Variants in RPTOR observed in about 807,000 individuals in gnomAD.
RPTOR encodes the protein regulatory associated protein of MTOR complex 1.
Under a neutral mutation model 169.9 loss-of-function variants are expected in RPTOR, and 21 were observed. The ratio of observed to expected loss-of-function variants is 0.12; its 90% CI spans 0.09 to 0.18. The LOEUF (loss-of-function observed/expected upper bound fraction) is 0.18, where lower values mean the gene tolerates loss of function less well. Among genes scored for constraint, RPTOR ranks in the 10% least tolerant of loss-of-function variants. The pLI is 1.00. For synonymous variants in RPTOR, 732 were observed against 753.2 expected (o/e 0.97, Z 0.46); for missense variants, 1,133 against 1,855.9 (o/e 0.61, Z 7.16).
rs1295308267 is a variant in RPTOR, at chr17:80,820,932, ATT to A, written c.891-1265_891-1264del. 2.6e-5 allele frequency among the ~76,000 whole-genome samples: 4 copies of A among 152,080 alleles called. No individual in the cohort carries two copies. Among genetic ancestry groups the A allele is most frequent in the Non-Finnish European group, 4.4e-5 (3 of 67,992 alleles). Reference sequence around the variant, plus strand: ...ACTGGTCTCCACTGTGGAGGTCGAAATTTTTCTTGAATTTGGAAATCTTTGTT... The same window carrying A: ...ACTGGTCTCCACTGTGGAGGTCGAAATTTCTTGAATTTGGAAATCTTTGTT... On this transcript the variant is annotated intron_variant, in intron 7 of 33. Transcript: ENST00000306801. The surrounding 1 kb of genome is among the most constrained non-coding windows in gnomAD (Gnocchi z 4.1).
rs1199474062 is a variant in RPTOR, at chr17:80,823,038, AAGTCACTGT to A, written c.992-38_992-30del. ...GTATTTGGCTTTAAATGCTAGACAC[AAGTCACTGT>A]AGACTCCTTTTTATCTTTTATCTGC... On this transcript the variant is annotated intron_variant, in intron 8 of 33. Transcript: ENST00000306801. This position sits in a 1 kb window ranked among gnomAD's most constrained non-coding sequence, Gnocchi z 4.5. The A allele has an allele frequency of 1.9e-6, 3 of 1,590,014 alleles. No homozygotes were observed. The highest frequency in any genetic ancestry group is 2.6e-6 in the Non-Finnish European group (3 of 1,167,768).
intron 6 of RPTOR, among the ~76,000 whole-genome samples, chr17:80,761,695 C>T (rs112301821): frequency 8.0e-4 from 122 of 152,318 alleles, no homozygotes; most frequent in African/African-American, 2.4e-3. Flanking sequence ...CATGTGTTCT[C>T]CAAGGAGTCT....
chr17:80,776,226 T>C (rs1391632586), intron 6 of RPTOR, among the ~76,000 whole-genome samples: 5 of 152,060 alleles, frequency 3.3e-5, no homozygotes, highest in African/African-American at 9.7e-5. Flanking sequence ...AAAATAATAA[T>C]ATTTTCTTAT....
At chr17:80,834,936 T>G (rs1567938719) in intron 9 of RPTOR, among the ~76,000 whole-genome samples, 1 of 152,246 alleles carries the variant, frequency 6.6e-6, no homozygotes, top group Admixed American at 6.5e-5. Flanking sequence ...CAGAAACTTT[T>G]TATTTGATTA....
intron 11 of RPTOR, among the ~76,000 whole-genome samples, chr17:80,848,125 C>T (rs1364931885): frequency 2.0e-5 from 3 of 152,196 alleles, no homozygotes; most frequent in South Asian, 2.1e-4. Context: ...GGCCTGTCCT[C>T]GCCGGCATTG....
intron 9 of RPTOR, among the ~76,000 whole-genome samples, chr17:80,827,061 A>G (rs2067452590): frequency 6.6e-6 from 1 of 152,246 alleles, no homozygotes; most frequent in African/African-American, 2.4e-5. Flanking sequence ...CTCGGGCTCC[A>G]GGCTTCCTGG....
At chr17:80,647,404 A>T (rs2065604593) in intron 3 of RPTOR, among the ~76,000 whole-genome samples, 1 of 152,108 alleles carries the variant, frequency 6.6e-6, no homozygotes. Flanking sequence ...TACAGTGAAG[A>T]ATTTATCTTT....
intron 6 of RPTOR, among the ~76,000 whole-genome samples, chr17:80,756,160 A>G (rs2066679046): frequency 6.6e-6 from 1 of 151,912 alleles, no homozygotes; most frequent in Non-Finnish European, 1.5e-5. Context: ...CATTTAGGTT[A>G]ATGTCACTGT....
chr17:80,665,376 TCC>T (rs1567845981), intron 3 of RPTOR, among the ~76,000 whole-genome samples: 459 of 6,662 alleles, frequency 0.069, 17 homozygotes, highest in Middle Eastern at 0.083. Flanking sequence ...TCCTTTCCTT[TCC>T]TTTCCTTTCC....
intron 15 of RPTOR, 56 bp from the exon 16 acceptor site, chr17:80,883,725 C>CACGT: frequency 2.5e-6 from 4 of 1,579,708 alleles, no homozygotes; most frequent in Non-Finnish European, 3.5e-6. Context: ...AGGTACCCAC[C>CACGT]ACGTGCCTGC....
chr17:80,941,717 T>G (rs1414511703), intron 25 of RPTOR: 2 of 152,292 alleles, frequency 1.3e-5, no homozygotes, highest in African/African-American at 2.4e-5. Flanking sequence ...TTTCTGAAGT[T>G]GAGGTTGATG....
At chr17:80,696,194 G>GT (rs530444893) in intron 3 of RPTOR, among the ~76,000 whole-genome samples, 14 of 152,188 alleles carry the variant, frequency 9.2e-5, no homozygotes, top group Admixed American at 9.2e-4. Context: ...GTTTTGTTTT[G>GT]TTTTTTCATT....
At chr17:80,715,818 T>C (rs1263978660) in intron 4 of RPTOR, among the ~76,000 whole-genome samples, 1 of 152,112 alleles carries the variant, frequency 6.6e-6, no homozygotes, top group Non-Finnish European at 1.5e-5. Context: ...ATATACGATA[T>C]TTGGTTTTCC....
At chr17:80,948,080 C>A (rs1226384573) in intron 27 of RPTOR, among the ~76,000 whole-genome samples, 1 of 152,240 alleles carries the variant, frequency 6.6e-6, no homozygotes, top group Non-Finnish European at 1.5e-5. Context: ...CACTGCACTT[C>A]CTGTGGAGAC....
chr17:80,857,956 GA>G, intron 13 of RPTOR, 56 bp downstream of exon 13: 1 of 1,379,348 alleles, frequency 7.2e-7, no homozygotes, highest in Non-Finnish European at 1.0e-6. Flanking sequence ...CCCTTCTGGG[GA>G]TGCCGAGCCC....
chr17:80,748,154 G>A (rs2066595272), intron 5 of RPTOR, among the ~76,000 whole-genome samples: 1 of 124,874 alleles, frequency 8.0e-6, no homozygotes, highest in Admixed American at 7.3e-5. Context: ...AGAGGCCGTG[G>A]CGTGAGGACC....
At chr17:80,709,102 G>C (rs34461761) in intron 4 of RPTOR, 114,730 of 985,078 alleles carry the variant, frequency 0.12, 8,438 homozygotes, top group African/African-American at 0.34. Flanking sequence ...AGCCAGCCTC[G>C]GAAGTTAGAA....
intron 2 of RPTOR, among the ~76,000 whole-genome samples, chr17:80,634,899 G>A (rs1416872674): frequency 3.4e-5 from 5 of 146,726 alleles, no homozygotes; most frequent in African/African-American, 1.3e-4. Context: ...TGTGTGCATA[G>A]TGTGTGCGTG....
chr17:80,805,056 C>T (rs992294280), intron 7 of RPTOR: 1 of 152,306 alleles, frequency 6.6e-6, no homozygotes, highest in African/African-American at 2.4e-5. Context: ...TATTTGGAAA[C>T]TGTCTTTCCT....
Sources: gnomAD v4.1 joint callset for allele counts (sites outside exome capture counted in the v4.1 genomes callset) on GRCh38, gnomAD v4.1.1 for gene constraint, Gnocchi (gnomAD v3.1) non-coding constraint, MANE v1.5 for transcripts, NCBI Gene and HGNC (gene_info 2026-07-23, HGNC 2026-07-21) for gene names.